PITPNB: variants seen among roughly 807,000 people sequenced by gnomAD.
PITPNB encodes the protein phosphatidylinositol transfer protein beta.
PITPNB carries 16 observed loss-of-function variants against 45.9 expected under a neutral mutation model. The ratio of observed to expected loss-of-function variants is 0.35; its 90% CI spans 0.24 to 0.53. PITPNB has a LOEUF of 0.53. Ranked by LOEUF, PITPNB falls within the 20% of genes least tolerant of loss-of-function variation. The probability of loss-of-function intolerance (pLI) is 0.93; values close to 1 mark genes in which losing one functional copy is unlikely to be tolerated. For missense variants in PITPNB, 188 were observed against 330.5 expected (o/e 0.57, Z 3.34); for synonymous variants, 112 against 108.9 (o/e 1.03, Z -0.18).
chr22:27,899,361 G>A (rs536467516), intron 3 of PITPNB, among the ~76,000 whole-genome samples: 22 of 152,224 alleles, frequency 1.4e-4, no homozygotes, highest in Admixed American at 3.9e-4. Flanking sequence ...GTCTCACTCT[G>A]TTGCCCAGGC....
At chr22:27,892,812 C>G (rs1450568178) in intron 7 of PITPNB, among the ~76,000 whole-genome samples, 1 of 152,146 alleles carries the variant, frequency 6.6e-6, no homozygotes, top group African/African-American at 2.4e-5. Context: ...AATTTAAGAA[C>G]TTCTAGAACA....
At chr22:27,865,785 G>A (rs1472899480) in intron 8 of PITPNB, among the ~76,000 whole-genome samples, 1 of 152,100 alleles carries the variant, frequency 6.6e-6, no homozygotes, top group South Asian at 2.1e-4. Flanking sequence ...GAAATACTAT[G>A]TACAACAAAT....
chr22:27,912,985 A>G (rs1935973619), intron 2 of PITPNB, among the ~76,000 whole-genome samples: 1 of 146,098 alleles, frequency 6.8e-6, no homozygotes, highest in Non-Finnish European at 1.5e-5. Context: ...TCCATCTCCA[A>G]AAAAAAAAAA....
In PITPNB at chr22:27,860,243, T is replaced by C. The variant is rs1353479409; in HGVS notation, c.535-2A>G. 1 of 1,572,728 alleles carries C rather than the reference T, an allele frequency of 6.4e-7. No individual in the cohort carries two copies. Among genetic ancestry groups the C allele is most frequent in the Non-Finnish European group, 8.7e-7 (1 of 1,151,120 alleles). ...GTCAGGGCTGTTTGCCAGCTCCTTC[T>C]AGATGAGAAAAATTGAAAAGGAGAA... On this transcript the variant is annotated splice_acceptor_variant, in intron 8 of 11. Coordinates refer to ENST00000335272, the MANE Select transcript of PITPNB (RefSeq NM_012399.5). LOFTEE classifies it high-confidence loss of function.
chr22:27,866,153 C>T (rs1040244367), intron 8 of PITPNB, among the ~76,000 whole-genome samples: 6 of 152,182 alleles, frequency 3.9e-5, no homozygotes, highest in Non-Finnish European at 7.4e-5. Context: ...ACAAGATGAA[C>T]GTCATGGGCT....
intron 8 of PITPNB, among the ~76,000 whole-genome samples, chr22:27,861,612 C>T (rs1934335140): frequency 6.6e-6 from 1 of 152,160 alleles, no homozygotes; most frequent in African/African-American, 2.4e-5. Context: ...ATGGTCCTGT[C>T]CTCAGGGGCT....
chr22:27,918,087 T>G (rs1936137653), intron 1 of PITPNB, among the ~76,000 whole-genome samples: 1 of 151,874 alleles, frequency 6.6e-6, no homozygotes. Context: ...AAGGAAAAGG[T>G]AGTAAATGAG....
At position 27,854,865 on chromosome 22, in the gene PITPNB, T is replaced by C. The variant is rs1212238732; in HGVS notation, c.*27A>G. On this transcript the variant is annotated 3_prime_UTR_variant, in exon 11 of 12. Transcript: ENST00000335272. ...AGGTCTTCACTTACACAGTTTGACA[T>C]TGTCTCTGACCCTACAGGGGACTCA... The C allele has an allele frequency of 3.1e-5, 50 of 1,609,384 alleles. No homozygotes were observed. Among genetic ancestry groups the C allele is most frequent in the Non-Finnish European group, 3.7e-5 (44 of 1,176,072 alleles).
intron 7 of PITPNB, among the ~76,000 whole-genome samples, chr22:27,882,972 T>G (rs1042309268): frequency 6.6e-6 from 1 of 152,226 alleles, no homozygotes; most frequent in African/African-American, 2.4e-5. Flanking sequence ...TGAGAAAATG[T>G]ATGAGTGGTG....
intron 7 of PITPNB, among the ~76,000 whole-genome samples, chr22:27,891,842 AACAG>A (rs1198038208): frequency 2.1e-4 from 32 of 152,212 alleles, no homozygotes; most frequent in Non-Finnish European, 5.9e-5. Context: ...AGCAGTATGA[AACAG>A]ACTAATATAC....
At chr22:27,897,737 G>T (rs1935475981) in intron 4 of PITPNB, 64 bp downstream of exon 4, 1 of 1,036,152 alleles carries the variant, frequency 9.7e-7, no homozygotes, top group Non-Finnish European at 1.5e-6. Flanking sequence ...AAAGACACTG[G>T]TACTGGGAAT....
At chr22:27,897,057 T>C (rs1935455981) in intron 5 of PITPNB, 73 bp downstream of exon 5, 2 of 1,076,762 alleles carry the variant, frequency 1.9e-6, no homozygotes, top group Non-Finnish European at 2.9e-6. Context: ...CAAAGAATGG[T>C]TGAAAATAAT....
chr22:27,892,257 C>T lies in PITPNB; in HGVS notation c.456+2298G>A, dbSNP rs554185854. Reference sequence around the variant, plus strand: ...GAGGTGATGGGAACCAGGGCCTCCACGGTTCTTGTGCAATCTGCCCTTACT... The same window carrying T: ...GAGGTGATGGGAACCAGGGCCTCCATGGTTCTTGTGCAATCTGCCCTTACT... On this transcript the variant is annotated intron_variant, in intron 7 of 11. Transcript: ENST00000335272. Among the ~76,000 whole-genome samples the T allele has an allele frequency of 2.6e-5, 4 of 152,324 alleles. No individual in the cohort carries two copies. In the East Asian group the frequency reaches 5.8e-4, roughly 22 times the overall value.
intron 7 of PITPNB, among the ~76,000 whole-genome samples, chr22:27,884,539 G>C (rs978241625): frequency 6.6e-6 from 1 of 152,176 alleles, no homozygotes; most frequent in African/African-American, 2.4e-5. Context: ...TCTAGCTTGT[G>C]TCTCTTCCTT....
chr22:27,919,215 G>A lies in PITPNB; in HGVS notation c.-24C>T, dbSNP rs1009239737. The A allele has an allele frequency of 5.6e-6, 9 of 1,601,876 alleles. No individual in the cohort carries two copies. In the East Asian group the frequency reaches 8.9e-5, roughly 16 times the overall value. On this transcript the variant is annotated 5_prime_UTR_variant, in exon 1 of 12. Coordinates refer to ENST00000335272, the MANE Select transcript of PITPNB (RefSeq NM_012399.5). ...ATCTTCCCGGAACCCCCTCACAGCT[G>A]CCGCCGATACCACCGCCGCCGCCGC...
chr22:27,865,463 T>C (rs886563443), intron 8 of PITPNB, among the ~76,000 whole-genome samples: 1 of 152,200 alleles, frequency 6.6e-6, no homozygotes, highest in Non-Finnish European at 1.5e-5. Flanking sequence ...AAGGTATACA[T>C]GCAAAATAAA....
intron 8 of PITPNB, among the ~76,000 whole-genome samples, chr22:27,861,358 C>T (rs1016352053): frequency 6.6e-6 from 1 of 151,968 alleles, no homozygotes; most frequent in African/African-American, 2.4e-5. Context: ...GGCACTGCAA[C>T]CTATGTTATT....
Position 27,913,382 on chromosome 22 carries a change from C to T in PITPNB, c.51+935G>A, listed in dbSNP as rs1935989939. Among the ~76,000 whole-genome samples, 6 of 152,206 alleles carry T rather than the reference C, an allele frequency of 3.9e-5. No homozygotes were observed. The South Asian group carries it at 1.2e-3, about 31-fold the overall frequency. On this transcript the variant is annotated intron_variant, in intron 2 of 11. Transcript: ENST00000335272. The stretch of plus-strand genomic sequence containing the variant: ...CAAGTCACTGCTTCTAATCTACTGT[C>T]AGCTCTAGGAAAACCAGATAACTGA...
At chr22:27,873,918 CA>C in intron 7 of PITPNB, 103 bp from the exon 8 acceptor site, 1 of 723,950 alleles carries the variant, frequency 1.4e-6, no homozygotes, top group Non-Finnish European at 2.5e-6. Context: ...GGACAGAAAT[CA>C]ATTAGACTCA....
Sources: gnomAD v4.1 joint callset for allele counts (sites outside exome capture counted in the v4.1 genomes callset) on GRCh38, gnomAD v4.1.1 for gene constraint, MANE v1.5 for transcripts, NCBI Gene and HGNC (gene_info 2026-07-23, HGNC 2026-07-21) for gene names.